TCF15: variants seen among roughly 807,000 people sequenced by gnomAD.
The protein encoded by TCF15 is transcription factor 15.
A neutral mutation model predicts 11.1 loss-of-function variants in TCF15; 7 were observed. The ratio of observed to expected loss-of-function variants is 0.63; its 90% CI spans 0.36 to 1.19. The LOEUF (loss-of-function observed/expected upper bound fraction) is 1.19. Ranked by LOEUF, TCF15 falls within the 50% of genes most tolerant of loss-of-function variation. TCF15 has a pLI of 0.02. For missense variants in TCF15, 288 were observed against 289.4 expected (o/e 1.00, Z 0.03); for synonymous variants, 144 against 138.9 (o/e 1.04, Z -0.26).
rs1042640010 is a variant in TCF15 at position 604,887 on chromosome 20, G to A, written c.526-222C>T. Among the ~76,000 whole-genome samples the A allele has an allele frequency of 6.6e-6, 1 of 152,214 alleles. No individual in the cohort carries two copies. Among genetic ancestry groups the A allele is most frequent in the African/African-American group, 2.4e-5 (1 of 41,460 alleles). On this transcript the variant is annotated intron_variant, in intron 1 of 1. Coordinates refer to ENST00000246080, the MANE Select transcript of TCF15 (RefSeq NM_004609.4). The surrounding 1 kb of genome is among the most constrained non-coding windows in gnomAD (Gnocchi z 4.2). ...CAAAAGCAAGGGGCAGGCTGAATGCGCCTGTGTGCTGTGATTGCTGGGGAG... is the reference window on the plus strand; with the variant it reads ...CAAAAGCAAGGGGCAGGCTGAATGCACCTGTGTGCTGTGATTGCTGGGGAG...
chr20:610,128 G>T lies in TCF15; in HGVS notation c.110C>A (p.Ser37Ter). ...CTCCGGGCCCTCGCAGCAGCCGAAC[G>T]ACTGGTCCGACGCGTCGCTCTCGCT... ...NRSESDASDQ[S>*]FGCCEGPEAA... is the part of the protein sequence containing the mutation. The change falls in exon 1 of 2, where the codon TCG becomes TAG. Residue 37 changes from serine to a stop codon, truncating the protein, a stop_gained. Coordinates refer to ENST00000246080, the MANE Select transcript of TCF15 (RefSeq NM_004609.4). LOFTEE classifies it high-confidence loss of function. 1 of 1,025,218 alleles carries T rather than the reference G, an allele frequency of 9.8e-7. No individual in the cohort carries two copies. Among genetic ancestry groups the T allele is most frequent in the Non-Finnish European group, 1.2e-6 (1 of 850,934 alleles). 63.5% of individuals were successfully genotyped at this position (1,025,218 alleles called of 1,614,324 possible).
At chr20:605,510 T>C (rs1248684007) in intron 1 of TCF15, among the ~76,000 whole-genome samples, 1 of 152,214 alleles carries the variant, frequency 6.6e-6, no homozygotes, top group Non-Finnish European at 1.5e-5. Context: ...CAAGGCAGGG[T>C]CTCTCCTTTG....
At chr20:605,828 C>T (rs1249094505) in intron 1 of TCF15, among the ~76,000 whole-genome samples, 1 of 152,252 alleles carries the variant, frequency 6.6e-6, no homozygotes, top group African/African-American at 2.4e-5. Context: ...TCTTTTGAGG[C>T]CTCCAGCCAC....
chr20:609,727 T>G lies in TCF15; in HGVS notation c.511A>C (p.Asn171His). The G allele has an allele frequency of 7.2e-7, 1 of 1,391,506 alleles. No individual in the cohort carries two copies. Among genetic ancestry groups the G allele is most frequent in the Non-Finnish European group, 9.2e-7 (1 of 1,085,410 alleles). 86.2% of individuals were successfully genotyped at this position (1,391,506 alleles called of 1,614,324 possible). A position where few individuals can be genotyped will look rare whatever the true frequency, so the allele number is the denominator to read the frequency against. The change falls in exon 1 of 2, where the codon AAC (asparagine) becomes CAC (histidine). Residue 171 changes from asparagine to histidine, a missense_variant. By Grantham distance (68) the Asn-to-His change is moderately conservative. Transcript: ENST00000246080. This position sits in a 1 kb window ranked among gnomAD's most constrained non-coding sequence, Gnocchi z 4.7. ...AGCACACTCACCCCCTTGCGCTGGT[T>G]GCTGAGGCAGAAGGTGCAGATGGAG... is the stretch of plus-strand genomic sequence containing the variant. ...PRSICTFCLSNQRKGGGRRDL... is the reference protein window; with the variant it reads ...PRSICTFCLSHQRKGGGRRDL...
In TCF15 at chr20:606,512, T is replaced by C. The variant is rs935526752; in HGVS notation, c.526-1847A>G. Among the ~76,000 whole-genome samples the C allele has an allele frequency of 2.0e-5, 3 of 152,130 alleles. No homozygotes were observed. In the East Asian group the frequency reaches 5.8e-4, roughly 29 times the overall value. On this transcript the variant is annotated intron_variant, in intron 1 of 1. Coordinates refer to ENST00000246080, the MANE Select transcript of TCF15 (RefSeq NM_004609.4). The stretch of plus-strand genomic sequence containing the variant: ...GAATGCAGCTGTGTAAGCTGCTAAG[T>C]GTACTTAGAAGAGGTCTTGACGGCC...
intron 1 of TCF15, among the ~76,000 whole-genome samples, chr20:606,828 A>G (rs2019979941): frequency 6.6e-6 from 1 of 152,018 alleles, no homozygotes; most frequent in Non-Finnish European, 1.5e-5. Context: ...AAAAAAAAAA[A>G]AAAAAAAGTC....
rs142847153 is a variant in TCF15 at position 604,980 on chromosome 20, G to A, written c.526-315C>T. ...ATTTGATGATGGAGAGAGGATGGGAGGGAGGCTCTCTCATGCTATACTGTT... is the reference window on the plus strand; with the variant it reads ...ATTTGATGATGGAGAGAGGATGGGAAGGAGGCTCTCTCATGCTATACTGTT... On this transcript the variant is annotated intron_variant, in intron 1 of 1. Coordinates refer to ENST00000246080, the MANE Select transcript of TCF15 (RefSeq NM_004609.4). The surrounding 1 kb of genome is among the most constrained non-coding windows in gnomAD (Gnocchi z 4.2). Among the ~76,000 whole-genome samples, 54 of 152,234 alleles carry A rather than the reference G, an allele frequency of 3.5e-4. No individual in the cohort carries two copies. The East Asian group carries it at 3.7e-3, about 10-fold the overall frequency.
rs141382158 is a variant in TCF15 at position 609,650 on chromosome 20, C to G, written c.525+63G>C. 55,118 of 1,312,004 alleles carry G rather than the reference C, an allele frequency of 0.042. 1,421 individuals are homozygous for G. The highest frequency in any genetic ancestry group is 0.11 in the South Asian group (4,961 of 43,852). 81.3% of individuals were successfully genotyped at this position (1,312,004 alleles called of 1,614,324 possible). On this transcript the variant is annotated intron_variant, in intron 1 of 1. Coordinates refer to ENST00000246080, the MANE Select transcript of TCF15 (RefSeq NM_004609.4). The surrounding 1 kb of genome is among the most constrained non-coding windows in gnomAD (Gnocchi z 4.7). ...GACCCCTGCACCTCTCCGGTTCCCGCAGAGGCGCTGCCCCCCGCCTACCCC... is the reference window on the plus strand; with the variant it reads ...GACCCCTGCACCTCTCCGGTTCCCGGAGAGGCGCTGCCCCCCGCCTACCCC...
At chr20:605,324 C>G (rs568195284) in intron 1 of TCF15, among the ~76,000 whole-genome samples, 2 of 152,260 alleles carry the variant, frequency 1.3e-5, no homozygotes, top group African/African-American at 4.8e-5. Context: ...GCGGCTCACT[C>G]GTCCACCTTT....
Position 609,830 on chromosome 20 carries a change from G to A in TCF15, c.408C>T (p.Asp136=), listed in dbSNP as rs765790218. ...CCGCGGCACGGAAGCACGGCTGCCC[G>A]TCGTCGGCCGAGTCGCCCAGCAGCA... ...NVLLLGDSAD[D]GQPCFRAAGS... is the part of the protein sequence containing the mutation. The change falls in exon 1 of 2, where the codon GAC becomes GAT. Residue 136 remains aspartate (D), a synonymous_variant. Coordinates refer to ENST00000246080, the MANE Select transcript of TCF15 (RefSeq NM_004609.4). This position sits in a 1 kb window ranked among gnomAD's most constrained non-coding sequence, Gnocchi z 4.7. 86 of 1,518,770 alleles carry A rather than the reference G, an allele frequency of 5.7e-5. 2 individuals carry two copies. The South Asian group carries it at 1.0e-3, about 18-fold the overall frequency. The allele number at this position is 1,518,770 out of a possible 1,614,324, so 94.1% of individuals were successfully genotyped here.
At position 609,914 on chromosome 20, in the gene TCF15, C is replaced by T. The variant is rs1159476902; in HGVS notation, c.324G>A (p.Leu108=). 1.3e-6 allele frequency: 2 copies of T among 1,525,070 alleles called. No individual in the cohort carries two copies. Among genetic ancestry groups the T allele is most frequent in the Non-Finnish European group, 1.7e-6 (2 of 1,146,448 alleles). The allele number at this position is 1,525,070 out of a possible 1,614,324, so 94.5% of individuals were successfully genotyped here. The change falls in exon 1 of 2, where the codon CTG becomes CTA. Residue 108 remains leucine, a synonymous_variant. Transcript: ENST00000246080. The surrounding 1 kb of genome is among the most constrained non-coding windows in gnomAD (Gnocchi z 4.7). ...CCAGGCGCACGGTCTCGATCTTGGA[C>T]AGCTTGCGGTCCACCGGCTCGGTGG... is the stretch of plus-strand genomic sequence containing the variant. ...LIPTEPVDRK[L]SKIETVRLAS...
intron 1 of TCF15, among the ~76,000 whole-genome samples, chr20:608,471 GAC>G (rs1218163364): frequency 1.3e-5 from 2 of 152,240 alleles, no homozygotes; most frequent in African/African-American, 4.8e-5. Context: ...CTGGGGCACT[GAC>G]AGGGGCCCAC....
At chr20:605,176 A>G (rs994625694) in intron 1 of TCF15, among the ~76,000 whole-genome samples, 2 of 152,140 alleles carry the variant, frequency 1.3e-5, no homozygotes, top group African/African-American at 4.8e-5. Context: ...TTCACGCTAT[A>G]CTTTTTTACC....
At chr20:605,361 T>C (rs1320665856) in intron 1 of TCF15, among the ~76,000 whole-genome samples, 4 of 152,226 alleles carry the variant, frequency 2.6e-5, no homozygotes, top group African/African-American at 9.6e-5. Flanking sequence ...TCTGGCCTCC[T>C]TGACTTCCCT....
In TCF15 at chr20:610,232, C is replaced by T. The variant is rs1029848325; in HGVS notation, c.6G>A (p.Ala2=). ...CGCCGACGGGCCGCAGCAGCGCGAA[C>T]GCCATGGGCGCCGGCCGCGTCCCTC... M[A]FALLRPVGAH... The change falls in exon 1 of 2, where the codon GCG becomes GCA. Residue 2 remains alanine (A), a synonymous_variant. Transcript: ENST00000246080. 8 of 999,190 alleles carry T rather than the reference C, an allele frequency of 8.0e-6. No homozygotes were observed. The highest frequency in any genetic ancestry group is 3.5e-5 in the African/African-American group (2 of 57,010). The allele number at this position is 999,190 out of a possible 1,614,324, so 61.9% of individuals were successfully genotyped here.
At position 609,839 on chromosome 20, in the gene TCF15, C is replaced by T. The variant is rs1367356440; in HGVS notation, c.399G>A (p.Ser133=). The change falls in exon 1 of 2, where the codon TCG becomes TCA. Residue 133 remains serine, a synonymous_variant. Coordinates refer to ENST00000246080, the MANE Select transcript of TCF15 (RefSeq NM_004609.4). The surrounding 1 kb of genome is among the most constrained non-coding windows in gnomAD (Gnocchi z 4.7). ...HLANVLLLGD[S]ADDGQPCFRA... The stretch of plus-strand genomic sequence containing the variant: ...GGAAGCACGGCTGCCCGTCGTCGGC[C>T]GAGTCGCCCAGCAGCAGCACGTTGG... The T allele has an allele frequency of 6.6e-7, 1 of 1,523,826 alleles. No homozygotes were observed. Among genetic ancestry groups the T allele is most frequent in the South Asian group, 1.2e-5 (1 of 81,598 alleles). The allele number at this position is 1,523,826 out of a possible 1,614,324, so 94.4% of individuals were successfully genotyped here.
chr20:609,778 C>G lies in TCF15; in HGVS notation c.460G>C (p.Ala154Pro). 2 of 1,412,878 alleles carry G rather than the reference C, an allele frequency of 1.4e-6. No homozygotes were observed. The highest frequency in any genetic ancestry group is 2.4e-4 in the Middle Eastern group (1 of 4,190). 87.5% of individuals were successfully genotyped at this position (1,412,878 alleles called of 1,614,324 possible). ...AGSAKGAVPA[A>P]ADGGRQPRSI... ...CGCGGCTGGCGGCCGCCGTCGGCGG[C>G]GGCGGGGACGGCGCCCTTGGCACTG... Residue 154 changes from alanine to proline, a missense_variant, in exon 1 of 2, where the codon GCC (alanine) becomes CCC (proline). By Grantham distance (27) the Ala-to-Pro change is conservative. Transcript: ENST00000246080. The surrounding 1 kb of genome is among the most constrained non-coding windows in gnomAD (Gnocchi z 4.7).
Position 604,482 on chromosome 20 carries a change from G to T in TCF15, c.*109C>A. On this transcript the variant is annotated 3_prime_UTR_variant, in exon 2 of 2. Transcript: ENST00000246080. The surrounding 1 kb of genome is among the most constrained non-coding windows in gnomAD (Gnocchi z 4.2). Reference sequence around the variant, plus strand: ...CCCTGCCCAGAGTGTCCCGGAACAGGCCATGGTCCCCCGGTCCCTACACAA... The same window carrying T: ...CCCTGCCCAGAGTGTCCCGGAACAGTCCATGGTCCCCCGGTCCCTACACAA... 2 of 1,027,970 alleles carry T rather than the reference G, an allele frequency of 1.9e-6. No individual in the cohort carries two copies. Among genetic ancestry groups the T allele is most frequent in the Middle Eastern group, 2.9e-4 (1 of 3,410 alleles). 63.7% of individuals were successfully genotyped at this position (1,027,970 alleles called of 1,614,324 possible). A position where few individuals can be genotyped will look rare whatever the true frequency, so the allele number is the denominator to read the frequency against.
At chr20:607,458 G>A (rs1394009376) in intron 1 of TCF15, among the ~76,000 whole-genome samples, 2 of 152,250 alleles carry the variant, frequency 1.3e-5, no homozygotes, top group Non-Finnish European at 2.9e-5. Context: ...AAGCTCAGAA[G>A]GGAGCAAGAG....
Sources: gnomAD v4.1 joint callset for allele counts (sites outside exome capture counted in the v4.1 genomes callset) on GRCh38, gnomAD v4.1.1 for gene constraint, Gnocchi (gnomAD v3.1) non-coding constraint, MANE v1.5 for transcripts, NCBI Gene and HGNC (gene_info 2026-07-23, HGNC 2026-07-21) for gene names.